The following NLRP11 variants were observed in gnomAD, a reference collection of about 807,000 sequenced individuals.
NLRP11 encodes the protein NACHT, LRR and PYD domains-containing protein 11.
NLRP11 carries 53 observed loss-of-function variants against 79.3 expected under a neutral mutation model. The ratio of observed to expected loss-of-function variants is 0.67; its 90% CI spans 0.54 to 0.84. NLRP11 has a LOEUF of 0.84. Ranked by LOEUF, NLRP11 falls within the 40% of genes least tolerant of loss-of-function variation. The pLI is 0.00. For synonymous variants in NLRP11, 518 were observed against 462.6 expected, an observed-to-expected ratio of 1.12 and a Z score of -1.54; for missense variants, 1,264 against 1,255.0, an observed-to-expected ratio of 1.01 and a Z score of -0.11.
intron 5 of NLRP11, 151 bp from the exon 6 acceptor site, chr19:55,796,401 C>T: frequency 1.5e-6 from 1 of 686,266 alleles, no homozygotes; most frequent in Non-Finnish European, 2.4e-6. Flanking sequence ...CTTTCTTCTC[C>T]CTATGCCACT....
exon 10 of NLRP11, chr19:55,785,712 A>G: frequency 6.2e-7 from 1 of 1,614,070 alleles, no homozygotes; most frequent in Non-Finnish European, 8.5e-7. Context: ...CCAAATTAGA[A>G]TTAGGTATTA....
rs547363891 is a variant in NLRP11 at position 55,798,760 on chromosome 19, A to T, written c.2172-2510T>A. On this transcript the variant is annotated intron_variant, in intron 5 of 9. Transcript: ENST00000589093. ...AACACACACACACACACTCACACAC[A>T]CACACACACCGGAAAACAAAACAAT... Among the ~76,000 whole-genome samples the T allele has an allele frequency of 1.4e-3, 207 of 152,286 alleles. 2 individuals are homozygous for T. The highest frequency in any genetic ancestry group is 4.8e-3 in the African/African-American group (200 of 41,552).
intron 2 of NLRP11, 75 bp downstream of exon 2, chr19:55,817,829 A>T: frequency 8.1e-7 from 1 of 1,231,726 alleles, no homozygotes; most frequent in Non-Finnish European, 1.1e-6. Flanking sequence ...AGAAAAAAAA[A>T]AAAAAAAAGG....
intron 1 of NLRP11, among the ~76,000 whole-genome samples, chr19:55,821,133 G>A (rs994679357): frequency 2.6e-5 from 4 of 151,154 alleles, no homozygotes; most frequent in Non-Finnish European, 4.4e-5. Flanking sequence ...CAATTTTCTC[G>A]GCACTGTTTA....
chr19:55,796,313 TAAAA>T, intron 5 of NLRP11, 63 bp from the exon 6 acceptor site: 30 of 1,013,090 alleles, frequency 3.0e-5, no homozygotes, highest in Non-Finnish European at 3.2e-5. Flanking sequence ...TCTTTTAAAT[TAAAA>T]AAAAAAAAAA....
exon 10 of NLRP11, chr19:55,785,539 A>G (rs893603903): frequency 8.2e-7 from 1 of 1,224,406 alleles, no homozygotes; most frequent in East Asian, 2.4e-5. Flanking sequence ...ACACACACAC[A>G]TCAAATAGGA....
Position 55,818,041 on chromosome 19 carries a change from A to G in NLRP11, c.134T>C (p.Ile45Thr), listed in dbSNP as rs774024434. Reference sequence around the variant, plus strand: ...AGCCAGTTCTTCTTTTGTCATCTGTATCAGTGGAAACTGTGGCAGTTTGAA... The same window carrying G: ...AGCCAGTTCTTCTTTTGTCATCTGTGTCAGTGGAAACTGTGGCAGTTTGAA... The change falls in exon 2 of 10, where the codon ATA (isoleucine) becomes ACA (threonine). Residue 45 changes from isoleucine to threonine, a missense_variant. By Grantham distance (89) the Ile-to-Thr change is moderately conservative (BLOSUM62 -1). Transcript: ENST00000589093. 2.5e-6 allele frequency: 4 copies of G among 1,614,176 alleles called. No individual in the cohort carries two copies. Among genetic ancestry groups the G allele is most frequent in the East Asian group, 4.5e-5 (2 of 44,884 alleles).
chr19:55,811,104 T>A (rs1004638652), intron 2 of NLRP11, among the ~76,000 whole-genome samples: 2 of 152,202 alleles, frequency 1.3e-5, no homozygotes, highest in African/African-American at 4.8e-5. Flanking sequence ...ACGTTCATCT[T>A]CCCTTCTATT....
At chr19:55,834,401 T>C (rs1983058298), upstream of NLRP11, among the ~76,000 whole-genome samples, 1 of 152,232 alleles carries the variant, frequency 6.6e-6, no homozygotes, top group African/African-American at 2.4e-5. Flanking sequence ...TGTTCAAGTA[T>C]ATTAATAATC....
intron 5 of NLRP11, among the ~76,000 whole-genome samples, chr19:55,796,717 T>C (rs1978925927): frequency 6.6e-6 from 1 of 151,812 alleles, no homozygotes; most frequent in African/African-American, 2.4e-5. Flanking sequence ...GATGGAGTCT[T>C]GCTCTGTCGC....
At chr19:55,797,308 TAAATA>T (rs988374496) in intron 5 of NLRP11, among the ~76,000 whole-genome samples, 1 of 150,722 alleles carries the variant, frequency 6.6e-6, no homozygotes, top group Non-Finnish European at 1.5e-5. Flanking sequence ...TAAAAAAAAA[TAAATA>T]AAATAAGTAG....
At chr19:55,785,688 G>A in exon 10 of NLRP11, 1 of 1,614,046 alleles carries the variant, frequency 6.2e-7, no homozygotes, top group Non-Finnish European at 8.5e-7. Context: ...TGGGAAATTT[G>A]AAAAACATGT....
intron 1 of NLRP11, among the ~76,000 whole-genome samples, chr19:55,828,617 A>G (rs542453479): frequency 6.6e-6 from 1 of 152,328 alleles, no homozygotes; most frequent in South Asian, 2.1e-4. Flanking sequence ...GATACGAAAT[A>G]TGCATTAAAT....
intron 9 of NLRP11, 67 bp downstream of exon 9, chr19:55,788,740 T>TCA: frequency 1.4e-6 from 1 of 715,644 alleles, no homozygotes; most frequent in South Asian, 1.9e-5. Context: ...ACTCTGTCTC[T>TCA]CAAAAAAAAA....
chr19:55,789,130 T>A, intron 8 of NLRP11, 99 bp downstream of exon 8: 1 of 1,409,488 alleles, frequency 7.1e-7, no homozygotes. Flanking sequence ...CACTAGACTA[T>A]TATGTCCGAG....
chr19:55,827,375 A>G (rs1982334822), intron 1 of NLRP11, among the ~76,000 whole-genome samples: 1 of 150,158 alleles, frequency 6.7e-6, no homozygotes, highest in African/African-American at 2.5e-5. Context: ...CATGTCTAAA[A>G]CACCAAAAGC....
intron 1 of NLRP11, among the ~76,000 whole-genome samples, chr19:55,821,436 C>T (rs373993460): frequency 6.6e-6 from 1 of 152,090 alleles, no homozygotes; most frequent in East Asian, 1.9e-4. Context: ...GCTTTGTAGC[C>T]CTCACTGTAA....
At chr19:55,821,146 G>T (rs907654391) in intron 1 of NLRP11, among the ~76,000 whole-genome samples, 6 of 149,698 alleles carry the variant, frequency 4.0e-5, no homozygotes. Context: ...ACTGTTTAAT[G>T]CATATTTTGG....
rs1156505191 is a variant in NLRP11 at position 55,807,849 on chromosome 19, T to A, written c.2003+4A>T. On this transcript the variant is annotated splice_donor_region_variant and intron_variant, in intron 4 of 9. Coordinates refer to ENST00000589093, the Ensembl canonical transcript of NLRP11. ...TCTAAGGCAGAGGTTGATATAGTACTTACTTGAGTGTGCGAAGTTTACAGC... is the reference window on the plus strand; with the variant it reads ...TCTAAGGCAGAGGTTGATATAGTACATACTTGAGTGTGCGAAGTTTACAGC... The A allele has an allele frequency of 2.5e-6, 4 of 1,603,336 alleles. No individual in the cohort carries two copies. The African/African-American group carries it at 5.4e-5, about 21-fold the overall frequency.
Sources: allele counts gnomAD v4.1 joint callset (sites outside exome capture counted in the v4.1 genomes callset), GRCh38; gene constraint gnomAD v4.1.1; transcripts MANE v1.5; gene names NCBI Gene and HGNC (gene_info 2026-07-23, HGNC 2026-07-21).